Variants in PMFBP1 observed in about 807,000 individuals in gnomAD.
PMFBP1 encodes the protein polyamine-modulated factor 1-binding protein 1.
In PMFBP1, 131 loss-of-function variants were observed where a neutral mutation model predicts 137.8. The ratio of observed to expected loss-of-function variants is 0.95; its 90% CI spans 0.82 to 1.10. The LOEUF (loss-of-function observed/expected upper bound fraction) is 1.10, where lower values mean the gene tolerates loss of function less well. Among genes scored for constraint, PMFBP1 ranks in the 50% least tolerant of loss-of-function variants. PMFBP1 has a pLI of 0.00. For synonymous variants in PMFBP1, 490 were observed against 450.4 expected (o/e 1.09, Z -1.11); for missense variants, 1,199 against 1,175.4 (o/e 1.02, Z -0.29).
chr16:72,161,607 A>G (rs2043063384), intron 3 of PMFBP1, among the ~76,000 whole-genome samples: 1 of 152,184 alleles, frequency 6.6e-6, no homozygotes, highest in Non-Finnish European at 1.5e-5. Context: ...GAAAAATTGC[A>G]AAAGTAGCCC....
At chr16:72,133,492 G>A (rs2042579270) in intron 9 of PMFBP1, among the ~76,000 whole-genome samples, 1 of 152,034 alleles carries the variant, frequency 6.6e-6, no homozygotes, top group Non-Finnish European at 1.5e-5. Flanking sequence ...TATTATCTTA[G>A]TTTAGTTTTA....
the PMFBP1 span, among the ~76,000 whole-genome samples, chr16:72,225,940 C>G: frequency 6.8e-6 from 1 of 146,618 alleles, no homozygotes. Flanking sequence ...CACAGACACA[C>G]ACACACACAC....
At position 72,139,230 on chromosome 16, in the gene PMFBP1, C is replaced by A; in HGVS notation, c.918+59G>T. The A allele has an allele frequency of 3.3e-6, 4 of 1,224,892 alleles. No homozygotes were observed. The South Asian group carries it at 4.1e-5, about 12-fold the overall frequency. 75.9% of individuals were successfully genotyped at this position (1,224,892 alleles called of 1,614,324 possible). On this transcript the variant is annotated intron_variant, in intron 7 of 20. Transcript: ENST00000237353. ...AAAATAAAAAATAAGTAGGAAAGCC[C>A]AGAATCAAACCCAGCTCAGCCCGAT...
At chr16:72,241,596 G>C in the PMFBP1 span, among the ~76,000 whole-genome samples, 2 of 152,038 alleles carry the variant, frequency 1.3e-5, no homozygotes, top group Non-Finnish European at 2.9e-5. Context: ...CTACTTCATG[G>C]GGGTGGGTTC....
chr16:72,147,510 C>T (rs370079341), intron 5 of PMFBP1, among the ~76,000 whole-genome samples: 21 of 152,168 alleles, frequency 1.4e-4, no homozygotes, highest in African/African-American at 4.8e-4. Flanking sequence ...CAACTAAAGC[C>T]AAAATAGACA....
the PMFBP1 span, among the ~76,000 whole-genome samples, chr16:72,187,963 T>G: frequency 6.6e-6 from 1 of 152,238 alleles, no homozygotes; most frequent in Admixed American, 6.5e-5. Context: ...GTCATTAACA[T>G]GAAATGCTTT....
chr16:72,137,216 T>G (rs1322736499), intron 7 of PMFBP1, among the ~76,000 whole-genome samples: 2 of 152,036 alleles, frequency 1.3e-5, no homozygotes, highest in Non-Finnish European at 2.9e-5. Context: ...AGACAGACAG[T>G]TGTTTATGGA....
rs765035336 is a variant in PMFBP1 at position 72,154,305 on chromosome 16, G to A, written c.320C>T (p.Ser107Phe). ...LEFHTEELQT[S>F]YYSLRQYQSI... is the part of the protein sequence containing the mutation. ...CTGATACTGGCGGAGAGAATAGTAA[G>A]AAGTCTGCAACTCCTCTGTGTGAAA... Residue 107 changes from serine (S) to phenylalanine (F), a missense_variant, in exon 4 of 21, where the codon TCT becomes TTT. Transcript: ENST00000237353. The A allele has an allele frequency of 5.8e-5, 93 of 1,614,042 alleles. No homozygotes were observed. The highest frequency in any genetic ancestry group is 7.7e-5 in the Non-Finnish European group (91 of 1,180,030).
At chr16:72,125,199 C>T (rs770418756) in intron 16 of PMFBP1, 39 bp downstream of exon 16, 9 of 1,598,034 alleles carry the variant, frequency 5.6e-6, no homozygotes, top group African/African-American at 1.4e-5. Flanking sequence ...TTGTGGACCC[C>T]TACCAGGAAG....
chr16:72,197,798 G>A, the PMFBP1 span, among the ~76,000 whole-genome samples: 1 of 152,026 alleles, frequency 6.6e-6, no homozygotes, highest in African/African-American at 2.4e-5. Flanking sequence ...TGCCTCAGAG[G>A]GTCAAATGGA....
the PMFBP1 span, among the ~76,000 whole-genome samples, chr16:72,225,711 TAA>T: frequency 0.15 from 21,680 of 140,558 alleles, 2,128 homozygotes; most frequent in South Asian, 0.24. Context: ...AGACTGTTTA[TAA>T]TAATAATAAT....
At chr16:72,142,859 T>G (rs961025756) in intron 5 of PMFBP1, among the ~76,000 whole-genome samples, 1 of 152,178 alleles carries the variant, frequency 6.6e-6, no homozygotes, top group Admixed American at 6.5e-5. Context: ...GCTCATTATA[T>G]TAGGATGGCA....
At chr16:72,224,516 T>C in the PMFBP1 span, 1 of 152,478 alleles carries the variant, frequency 6.6e-6, no homozygotes, top group Non-Finnish European at 1.5e-5. Flanking sequence ...CATTTTTGAT[T>C]CTTGCCCAAC....
chr16:72,242,882 G>A, the PMFBP1 span, among the ~76,000 whole-genome samples: 1 of 152,204 alleles, frequency 6.6e-6, no homozygotes. Context: ...GTGTGCAAAG[G>A]GGAGGAGGGA....
intron 2 of PMFBP1, among the ~76,000 whole-genome samples, chr16:72,169,889 T>G (rs1395660813): frequency 2.6e-5 from 4 of 152,172 alleles, no homozygotes; most frequent in Non-Finnish European, 5.9e-5. Context: ...ACACATATCA[T>G]GGAAGGCTAG....
Position 72,119,306 on chromosome 16 carries a change from G to T in PMFBP1, c.*32C>A, listed in dbSNP as rs544806021. ...CTCACTGTCCTCTGAAGAAACACCCGTGGAAATGCTGCTCAGGGCTAGATG... is the reference window on the plus strand; with the variant it reads ...CTCACTGTCCTCTGAAGAAACACCCTTGGAAATGCTGCTCAGGGCTAGATG... On this transcript the variant is annotated 3_prime_UTR_variant, in exon 21 of 21. Coordinates refer to ENST00000237353, the MANE Select transcript of PMFBP1 (RefSeq NM_031293.3). The T allele has an allele frequency of 1.3e-5, 21 of 1,607,778 alleles. No homozygotes were observed. In the South Asian group the frequency reaches 1.9e-4, roughly 14 times the overall value.
the PMFBP1 span, among the ~76,000 whole-genome samples, chr16:72,243,938 G>T: frequency 6.6e-6 from 1 of 152,146 alleles, no homozygotes; most frequent in African/African-American, 2.4e-5. Flanking sequence ...GAGCCCTAAA[G>T]GTTAGCCTTC....
At chr16:72,247,470 C>T in the PMFBP1 span, among the ~76,000 whole-genome samples, 3 of 152,204 alleles carry the variant, frequency 2.0e-5, no homozygotes, top group South Asian at 2.1e-4. Context: ...CTTGTGACTA[C>T]AGAACATCCC....
upstream of PMFBP1, among the ~76,000 whole-genome samples, chr16:72,181,499 T>C (rs199846542): frequency 6.4e-4 from 97 of 152,296 alleles, 2 homozygotes; most frequent in East Asian, 0.013. Context: ...AACTCAAACA[T>C]TGGGTCCCAA....
Sources: gnomAD v4.1 joint callset for allele counts (sites outside exome capture counted in the v4.1 genomes callset) on GRCh38, gnomAD v4.1.1 for gene constraint, MANE v1.5 for transcripts, NCBI Gene and HGNC (gene_info 2026-07-23, HGNC 2026-07-21) for gene names.